The following GPS1 variants were observed in gnomAD, a reference collection of about 807,000 sequenced individuals.
GPS1 encodes the protein G protein pathway suppressor 1.
Under a neutral mutation model 60.0 loss-of-function variants are expected in GPS1, and 11 were observed. That is an observed-to-expected ratio of 0.18 (90% confidence interval 0.12 to 0.30). The LOEUF is 0.30. GPS1 is among the 10% of genes least tolerant of loss of function. GPS1 has a pLI of 1.00. For synonymous variants in GPS1, 343 were observed against 269.8 expected, an observed-to-expected ratio of 1.27 and a Z score of -2.66; for missense variants, 543 against 669.2, an observed-to-expected ratio of 0.81 and a Z score of 2.08.
At chr17:82,055,141 G>GC (rs1189417836) in intron 5 of GPS1, 21 bp from the exon 6 acceptor site, 1 of 1,563,794 alleles carries the variant, frequency 6.4e-7, no homozygotes, top group African/African-American at 1.4e-5. Context: ...TGGGCCTCAC[G>GC]CATGTGGCTT....
rs372833632 is a variant in GPS1, at chr17:82,054,666, G to A, written c.465G>A (p.Glu155=). The part of the protein sequence containing the change: ...LKNYKGNSIK[E]SIRRGHDDLG... ...ACTACAAGGGCAACTCCATCAAAGAGAGCATCCGGCGCGGCCACGACGACC... is the reference window on the plus strand; with the variant it reads ...ACTACAAGGGCAACTCCATCAAAGAAAGCATCCGGCGCGGCCACGACGACC... Residue 155 remains glutamate (E), a synonymous_variant, in exon 4 of 13, where the codon GAG becomes GAA. Coordinates refer to ENST00000578552, the MANE Select transcript of GPS1 (RefSeq NM_001321092.3). 2.5e-5 allele frequency: 41 copies of A among 1,611,320 alleles called. No individual in the cohort carries two copies. The highest frequency in any genetic ancestry group is 5.3e-5 in the African/African-American group (4 of 75,054).
Position 82,053,893 on chromosome 17 carries a change from A to G in GPS1, c.152A>G (p.Tyr51Cys), listed in dbSNP as rs758239197. Residue 51 changes from tyrosine to cysteine, a missense_variant, in exon 3 of 13, where the codon TAC (tyrosine) becomes TGC (cysteine). Coordinates refer to ENST00000578552, the MANE Select transcript of GPS1 (RefSeq NM_001321092.3). ...GATCTGGAACAGTACGCGGCCAGCT[A>G]CAGCGGCCTGATGCGCATCGAACGG... ...SLDLEQYAASYSGLMRIERLQ... is the reference protein window; with the variant it reads ...SLDLEQYAASCSGLMRIERLQ... 3.7e-6 allele frequency: 6 copies of G among 1,611,842 alleles called. No homozygotes were observed. The highest frequency in any genetic ancestry group is 1.7e-5 in the Admixed American group (1 of 59,978).
rs1406429116 is a variant in GPS1, at chr17:82,053,173, G to A, written c.34-101G>A. ...GCGGGAGTGTGGTCCGACTGGCCTG[G>A]AAGATCTTGGGCAGAGCTGACCTCA... On this transcript the variant is annotated intron_variant, in intron 1 of 12. Coordinates refer to ENST00000578552, the MANE Select transcript of GPS1 (RefSeq NM_001321092.3). 6 of 929,148 alleles carry A rather than the reference G, an allele frequency of 6.5e-6. No individual in the cohort carries two copies. The Middle Eastern group carries it at 9.8e-4, about 152-fold the overall frequency. The allele number at this position is 929,148 out of a possible 1,614,324, so 57.6% of individuals were successfully genotyped here.
chr17:82,056,563 G>A lies in GPS1; in HGVS notation c.1116+13G>A, dbSNP rs201914423. 173 of 1,612,754 alleles carry A rather than the reference G, an allele frequency of 1.1e-4. No individual in the cohort carries two copies. In the African/African-American group the frequency reaches 2.1e-3, roughly 19 times the overall value. ...TGCCCTCATCCAGGTAAGCGTGGGG[G>A]TCAGGCTGGCACACGGCAGGCGGGC... On this transcript the variant is annotated intron_variant, in intron 10 of 12. Coordinates refer to ENST00000578552, the MANE Select transcript of GPS1 (RefSeq NM_001321092.3).
At chr17:82,051,791 G>T, upstream of GPS1, 4 of 1,123,242 alleles carry the variant, frequency 3.6e-6, no homozygotes, top group Non-Finnish European at 4.4e-6. The surrounding 1 kb of genome is among the most constrained non-coding windows in gnomAD (Gnocchi z 4.1). Flanking sequence ...CCCCGGCGCT[G>T]CGAGCGGAGA....
At position 82,054,826 on chromosome 17, in the gene GPS1, C is replaced by T. The variant is rs375230398; in HGVS notation, c.609+16C>T. The T allele has an allele frequency of 3.0e-5, 48 of 1,580,616 alleles. No individual in the cohort carries two copies. Among genetic ancestry groups the T allele is most frequent in the Non-Finnish European group, 3.4e-5 (40 of 1,161,730 alleles). ...TGTCATCAAGGTCGGCCTGCCTCGG[C>T]GGGCGGGGGTGGGCAGCATGGCTGG... On this transcript the variant is annotated intron_variant, in intron 4 of 12. Coordinates refer to ENST00000578552, the MANE Select transcript of GPS1 (RefSeq NM_001321092.3).
At position 82,054,053 on chromosome 17, in the gene GPS1, A is replaced by AG; in HGVS notation, c.308+6dup. 1 of 1,606,358 alleles carries AG rather than the reference A, an allele frequency of 6.2e-7. No homozygotes were observed. The highest frequency in any genetic ancestry group is 1.7e-5 in the Admixed American group (1 of 59,536). The stretch of plus-strand genomic sequence containing the variant: ...GCAAGCTCTCAGAGGCCACCAGGTG[A>AG]GGCCAGGGGCTTGGCGAGAGGAAGC... On this transcript the variant is annotated splice_donor_region_variant and intron_variant, in intron 3 of 12. Coordinates refer to ENST00000578552, the MANE Select transcript of GPS1 (RefSeq NM_001321092.3).
At chr17:82,050,944 G>A (rs1487552654), upstream of GPS1, 8 of 1,420,274 alleles carry the variant, frequency 5.6e-6, no homozygotes, top group Admixed American at 5.7e-5. Flanking sequence ...GTGCCACCGA[G>A]GCTGAAGCAG....
At position 82,056,313 on chromosome 17, in the gene GPS1, G is replaced by A. The variant is rs777112397; in HGVS notation, c.957G>A (p.Glu319=). The change falls in exon 9 of 13, where the codon GAG becomes GAA. Residue 319 remains glutamate, a synonymous_variant. Transcript: ENST00000578552. Reference sequence around the variant, plus strand: ...CCTTCAAGTTGTTCTTGGAGCTGGAGCCACAGGTCCGAGACATCATCTTCA... The same window carrying A: ...CCTTCAAGTTGTTCTTGGAGCTGGAACCACAGGTCCGAGACATCATCTTCA... ...SSSFKLFLEL[E]PQVRDIIFKF... is the part of the protein sequence containing the mutation. 2.5e-6 allele frequency: 4 copies of A among 1,612,962 alleles called. No homozygotes were observed. Among genetic ancestry groups the A allele is most frequent in the Non-Finnish European group, 2.5e-6 (3 of 1,179,600 alleles).
chr17:82,051,486 G>C (rs945168430), upstream of GPS1: 4 of 1,365,262 alleles, frequency 2.9e-6, no homozygotes, highest in Non-Finnish European at 3.8e-6. The surrounding 1 kb of genome is among the most constrained non-coding windows in gnomAD (Gnocchi z 4.1). Context: ...CGTCGGGGTC[G>C]GGGTCCGGCG....
upstream of GPS1, chr17:82,051,305 T>G (rs1376480637): frequency 1.4e-6 from 2 of 1,423,458 alleles, no homozygotes; most frequent in Non-Finnish European, 1.8e-6. This position sits in a 1 kb window ranked among gnomAD's most constrained non-coding sequence, Gnocchi z 4.1. Flanking sequence ...GCCCTGGAGC[T>G]CGAGCTCAGG....
At chr17:82,055,132 G>A in intron 5 of GPS1, 30 bp from the exon 6 acceptor site, 1 of 1,563,376 alleles carries the variant, frequency 6.4e-7, no homozygotes, top group Non-Finnish European at 8.7e-7. Flanking sequence ...TGTGGAGCAT[G>A]GGCCTCACGC....
Position 82,056,710 on chromosome 17 carries a change from C to A in GPS1, c.1198C>A (p.Leu400Met). ...CACGGTGGCCGCCCTGGAGGACGAG[C>A]TGACGCAGCTAATCCTGGAGGGGCT... is the stretch of plus-strand genomic sequence containing the variant. ...NTTVAALEDE[L>M]TQLILEGLIS... Residue 400 changes from leucine (L) to methionine (M), a missense_variant, in exon 11 of 13, where the codon CTG becomes ATG. By Grantham distance (15) the Leu-to-Met change is conservative (BLOSUM62 2). Transcript: ENST00000578552. 6.3e-7 allele frequency: 1 copy of A among 1,590,942 alleles called. No individual in the cohort carries two copies. Among genetic ancestry groups the A allele is most frequent in the South Asian group, 1.1e-5 (1 of 87,536 alleles).
chr17:82,051,906 G>A lies in GPS1; in HGVS notation c.-26G>A. 8.6e-7 allele frequency: 1 copy of A among 1,159,876 alleles called. No homozygotes were observed. 71.8% of individuals were successfully genotyped at this position (1,159,876 alleles called of 1,614,324 possible). A position where few individuals can be genotyped will look rare whatever the true frequency, so the allele number is the denominator to read the frequency against. ...GGCTTCGCTGCCCCGGAAGTGGACG[G>A]CACGCCGCGGCGGGGTGGGTGCAAG... is the stretch of plus-strand genomic sequence containing the variant. On this transcript the variant is annotated 5_prime_UTR_variant, in exon 1 of 13. Transcript: ENST00000578552. The surrounding 1 kb of genome is among the most constrained non-coding windows in gnomAD (Gnocchi z 4.1).
intron 3 of GPS1, 155 bp from the exon 4 acceptor site, chr17:82,054,355 G>A (rs2031972412): frequency 9.7e-7 from 1 of 1,030,074 alleles, no homozygotes; most frequent in South Asian, 1.7e-5. Context: ...TGGCCCTGGT[G>A]CAGACTGGTC....
intron 6 of GPS1, 168 bp from the exon 7 acceptor site, chr17:82,055,572 G>A (rs529767985): frequency 3.1e-5 from 19 of 614,778 alleles, no homozygotes; most frequent in African/African-American, 1.5e-4. Flanking sequence ...CTTTCCACCC[G>A]TGACTAGAGT....
In GPS1 at chr17:82,056,107, G is replaced by A. The variant is rs768710688; in HGVS notation, c.929+12G>A. On this transcript the variant is annotated intron_variant, in intron 8 of 12. Transcript: ENST00000578552. The stretch of plus-strand genomic sequence containing the variant: ...GTCATCTCCAGCAGGTAGGTGCCCC[G>A]GTCCTGCAGCCCTGAAGGCTGTCCC... The A allele has an allele frequency of 8.1e-6, 13 of 1,601,968 alleles. No individual in the cohort carries two copies. Among genetic ancestry groups the A allele is most frequent in the African/African-American group, 5.3e-5 (4 of 74,810 alleles).
At chr17:82,054,131 C>A in intron 3 of GPS1, 82 bp downstream of exon 3, 1 of 1,424,300 alleles carries the variant, frequency 7.0e-7, no homozygotes, top group East Asian at 2.5e-5. Flanking sequence ...TTCCTGTGCC[C>A]TGCATCTCCC....
chr17:82,057,044 C>A lies in GPS1; in HGVS notation c.1390-9C>A. The A allele has an allele frequency of 6.2e-7, 1 of 1,601,666 alleles. No homozygotes were observed. Among genetic ancestry groups the A allele is most frequent in the Non-Finnish European group, 8.5e-7 (1 of 1,172,934 alleles). Reference sequence around the variant, plus strand: ...GGTGGCTGTGAGCTGCTCCTTGTCTCCCCTGCAGTCCCCGCCCAGAGAAGG... The same window carrying A: ...GGTGGCTGTGAGCTGCTCCTTGTCTACCCTGCAGTCCCCGCCCAGAGAAGG... On this transcript the variant is annotated splice_polypyrimidine_tract_variant and intron_variant, in intron 12 of 12. Transcript: ENST00000578552.
Sources: gnomAD v4.1 joint callset for allele counts on GRCh38, gnomAD v4.1.1 for gene constraint, Gnocchi (gnomAD v3.1) non-coding constraint, MANE v1.5 for transcripts, NCBI Gene and HGNC (gene_info 2026-07-23, HGNC 2026-07-21) for gene names.